Variants in GTF2F2 observed in about 807,000 individuals in gnomAD.
The protein encoded by GTF2F2 is ATP-dependent helicase GTF2F2.
GTF2F2 carries 23 observed loss-of-function variants against 42.2 expected under a neutral mutation model. That is an observed-to-expected ratio of 0.55 (90% CI 0.39 to 0.77). The LOEUF is 0.77. Ranked by LOEUF, GTF2F2 falls within the 30% of genes least tolerant of loss-of-function variation. The probability of loss-of-function intolerance (pLI) is 0.00; values close to 1 mark genes in which losing one functional copy is unlikely to be tolerated. For missense variants in GTF2F2, 261 were observed against 287.2 expected, an observed-to-expected ratio of 0.91 and a Z score of 0.66; for synonymous variants, 105 against 100.8, an observed-to-expected ratio of 1.04 and a Z score of -0.25.
chr13:45,168,330 C>T (rs1051710855), intron 4 of GTF2F2, among the ~76,000 whole-genome samples: 1 of 152,246 alleles, frequency 6.6e-6, no homozygotes, highest in Non-Finnish European at 1.5e-5. Context: ...GCTTCTCTTG[C>T]TGCCAACTAC....
At chr13:45,162,005 C>G (rs1871063459) in intron 4 of GTF2F2, among the ~76,000 whole-genome samples, 2 of 152,012 alleles carry the variant, frequency 1.3e-5, no homozygotes, top group African/African-American at 4.8e-5. Flanking sequence ...GTAAATACAA[C>G]CTGTCTTTGT....
At chr13:45,191,224 AAT>A (rs1165963910) in intron 4 of GTF2F2, among the ~76,000 whole-genome samples, 962 of 75,230 alleles carry the variant, frequency 0.013, 19 homozygotes, top group Non-Finnish European at 0.016. Context: ...ACAAAAAAAA[AAT>A]ATATATATAT....
intron 7 of GTF2F2, among the ~76,000 whole-genome samples, chr13:45,278,727 G>C (rs1877130375): frequency 2.0e-5 from 3 of 151,444 alleles, no homozygotes; most frequent in Non-Finnish European, 4.4e-5. Flanking sequence ...GGCTGTGTTA[G>C]GTGCCCCCTT....
intron 7 of GTF2F2, among the ~76,000 whole-genome samples, chr13:45,275,038 C>T (rs1876973710): frequency 6.6e-6 from 1 of 152,166 alleles, no homozygotes; most frequent in Non-Finnish European, 1.5e-5. Context: ...CTAGTCACTC[C>T]TGTCTTTTCC....
In GTF2F2 at chr13:45,272,922, ATTTTTTT is replaced by A. The variant is rs748355143; in HGVS notation, c.630+5562_630+5568del. ...AGGCATGCCCCACCACACCTGGCTA[ATTTTTTT>A]TTTTTTTTTTTTTTTGAGACGGAGT... On this transcript the variant is annotated intron_variant, in intron 7 of 7. Coordinates refer to ENST00000340473, the MANE Select transcript of GTF2F2 (RefSeq NM_004128.3). 2.5e-3 allele frequency among the ~76,000 whole-genome samples: 239 copies of A among 96,308 alleles called. 2 individuals are homozygous for A. The highest frequency in any genetic ancestry group is 0.012 in the African/African-American group (231 of 19,748). The allele number at this position is 96,308 out of a possible 152,430, so 63.2% of individuals were successfully genotyped here. A position where few individuals can be genotyped will look rare whatever the true frequency, so the allele number is the denominator to read the frequency against.
chr13:45,279,287 T>C (rs935398073), intron 7 of GTF2F2, among the ~76,000 whole-genome samples: 1 of 152,198 alleles, frequency 6.6e-6, no homozygotes, highest in Non-Finnish European at 1.5e-5. Flanking sequence ...TACCAAGTAA[T>C]TTTCAATCCT....
At chr13:45,185,274 A>G (rs1872365433) in intron 4 of GTF2F2, among the ~76,000 whole-genome samples, 1 of 152,150 alleles carries the variant, frequency 6.6e-6, no homozygotes, top group South Asian at 2.1e-4. Context: ...ATTTTCCTTA[A>G]GACACAAAGA....
chr13:45,147,897 C>T (rs1432700832), intron 2 of GTF2F2, among the ~76,000 whole-genome samples: 1 of 152,214 alleles, frequency 6.6e-6, no homozygotes, highest in East Asian at 1.9e-4. Context: ...TTCCAGTTTG[C>T]ATTTCCATGA....
chr13:45,167,330 C>T (rs1284991243), intron 4 of GTF2F2, among the ~76,000 whole-genome samples: 1 of 149,994 alleles, frequency 6.7e-6, no homozygotes, highest in Non-Finnish European at 1.5e-5. Flanking sequence ...CGCCTCCCTG[C>T]CTCAGCCTCC....
At chr13:45,208,507 T>C (rs76176894) in intron 5 of GTF2F2, among the ~76,000 whole-genome samples, 4,611 of 152,262 alleles carry the variant, frequency 0.03, 122 homozygotes, top group East Asian at 0.076. Context: ...GTGAGAGAAA[T>C]AGCTGTAAAC....
chr13:45,163,282 G>C (rs1871121561), intron 4 of GTF2F2, among the ~76,000 whole-genome samples: 1 of 152,046 alleles, frequency 6.6e-6, no homozygotes, highest in Non-Finnish European at 1.5e-5. Flanking sequence ...GAAGAACTTG[G>C]TTTCTTTGTA....
intron 4 of GTF2F2, among the ~76,000 whole-genome samples, chr13:45,181,924 T>C (rs1323261334): frequency 6.6e-6 from 1 of 152,134 alleles, no homozygotes; most frequent in African/African-American, 2.4e-5. Flanking sequence ...ATTGTTTGAA[T>C]AGTCTACCAC....
At chr13:45,200,917 C>T (rs1873151516) in intron 4 of GTF2F2, among the ~76,000 whole-genome samples, 1 of 152,142 alleles carries the variant, frequency 6.6e-6, no homozygotes, top group Non-Finnish European at 1.5e-5. Context: ...AGGAGAGTAA[C>T]TTCGAGGTCT....
Position 45,151,818 on chromosome 13 carries a change from T to C in GTF2F2, c.291T>C (p.Thr97=). Residue 97 remains threonine, a synonymous_variant, in exon 4 of 8, where the codon ACT becomes ACC. Transcript: ENST00000340473. The part of the protein sequence containing the change: ...SVGGQTLTVF[T]ESSSDKLSLE... ...GAGGACAGACATTAACAGTATTTAC[T>C]GAGAGCTCATCAGGTAAGTGGGAAT... 1 of 1,514,376 alleles carries C rather than the reference T, an allele frequency of 6.6e-7. No homozygotes were observed. The highest frequency in any genetic ancestry group is 8.9e-7 in the Non-Finnish European group (1 of 1,120,058). 93.8% of individuals were successfully genotyped at this position (1,514,376 alleles called of 1,614,324 possible).
intron 5 of GTF2F2, among the ~76,000 whole-genome samples, chr13:45,236,790 AAAAC>A (rs1172918527): frequency 1.3e-5 from 2 of 152,232 alleles, no homozygotes; most frequent in Non-Finnish European, 2.9e-5. Context: ...GAAGAGGAAT[AAAAC>A]AGTTACTTTT....
chr13:45,193,853 G>A, intron 4 of GTF2F2: 1 of 1,613,912 alleles, frequency 6.2e-7, no homozygotes, highest in South Asian at 1.1e-5. Flanking sequence ...AGGCTGGTCA[G>A]CAGTCTAAAG....
At chr13:45,223,634 C>G (rs1470716110) in intron 5 of GTF2F2, among the ~76,000 whole-genome samples, 2 of 152,142 alleles carry the variant, frequency 1.3e-5, no homozygotes, top group Non-Finnish European at 2.9e-5. Context: ...TTTAGATATT[C>G]CTTTTTCATA....
intron 2 of GTF2F2, among the ~76,000 whole-genome samples, chr13:45,138,575 C>G (rs369626049): frequency 1.3e-5 from 2 of 152,200 alleles, no homozygotes; most frequent in African/African-American, 4.8e-5. Context: ...GAAGAAGCTG[C>G]TGAGGCCACA....
chr13:45,274,971 A>T (rs916835182), intron 7 of GTF2F2, among the ~76,000 whole-genome samples: 1 of 152,062 alleles, frequency 6.6e-6, no homozygotes, highest in Non-Finnish European at 1.5e-5. Context: ...TGCAACCAAC[A>T]CCATAATCAA....
Sources: gnomAD v4.1 joint callset for allele counts (sites outside exome capture counted in the v4.1 genomes callset) on GRCh38, gnomAD v4.1.1 for gene constraint, MANE v1.5 for transcripts, NCBI Gene and HGNC (gene_info 2026-07-23, HGNC 2026-07-21) for gene names.